The following FBRSL1 variants were observed in gnomAD, a reference collection of about 807,000 sequenced individuals.
FBRSL1 encodes the protein fibrosin-1-like protein.
In FBRSL1, 51 loss-of-function variants were observed where a neutral mutation model predicts 89.6. The ratio of observed to expected loss-of-function variants is 0.57; its 90% CI spans 0.45 to 0.72. The LOEUF (loss-of-function observed/expected upper bound fraction) is 0.72. FBRSL1 is among the 30% of genes least tolerant of loss of function. The pLI is 0.00. For synonymous variants in FBRSL1, 779 were observed against 681.1 expected (o/e 1.14, Z -2.24); for missense variants, 1,618 against 1,451.8 (o/e 1.11, Z -1.86).
Position 132,583,443 on chromosome 12 carries a change from G to A in FBRSL1, c.2674G>A (p.Gly892Ser), listed in dbSNP as rs1394960855. 3 of 1,069,136 alleles carry A rather than the reference G, an allele frequency of 2.8e-6. No individual in the cohort carries two copies. The highest frequency in any genetic ancestry group is 2.9e-5 in the South Asian group (1 of 34,952). 66.2% of individuals were successfully genotyped at this position (1,069,136 alleles called of 1,614,324 possible). ...ERPYRDREPH[G>S]YSPERLRGEL... ...CCCCTACCGCGACCGCGAGCCCCAC[G>A]GCTACAGCCCCGAGCGCCTGCGCGG... The change falls in exon 19 of 19, where the codon GGC becomes AGC. Residue 892 changes from glycine (G) to serine (S), a missense_variant. Transcript: ENST00000680143.
At chr12:132,581,271 G>C in intron 15 of FBRSL1, 168 bp from the exon 16 acceptor site, 1 of 985,378 alleles carries the variant, frequency 1.0e-6, no homozygotes, top group Non-Finnish European at 1.2e-6. Context: ...TTGTGGGGTA[G>C]ATTCCACCTC....
Position 132,583,656 on chromosome 12 carries a change from G to A in FBRSL1, c.2887G>A (p.Ala963Thr). The change falls in exon 19 of 19, where the codon GCC becomes ACC. Residue 963 changes from alanine (A) to threonine (T), a missense_variant. Physicochemically the swap from Ala to Thr is moderately conservative, Grantham distance 58 (BLOSUM62 0). Transcript: ENST00000680143. Reference sequence around the variant, plus strand: ...CGCACCGCCCCCCCTGGTGACGGCGGCCGGGCCCCCCACGCCCCCCGGGCC... The same window carrying A: ...CGCACCGCCCCCCCTGGTGACGGCGACCGGGCCCCCCACGCCCCCCGGGCC... ...LGAPPPLVTA[A>T]GPPTPPGPPR... The A allele has an allele frequency of 9.5e-7, 1 of 1,051,618 alleles. No homozygotes were observed. The highest frequency in any genetic ancestry group is 1.1e-6 in the Non-Finnish European group (1 of 871,920). The allele number at this position is 1,051,618 out of a possible 1,614,324, so 65.1% of individuals were successfully genotyped here.
In FBRSL1 at chr12:132,516,000, G is replaced by T. The variant is rs543693644; in HGVS notation, c.489+7650G>T. 2.6e-5 allele frequency among the ~76,000 whole-genome samples: 4 copies of T among 151,152 alleles called. No homozygotes were observed. The East Asian group carries it at 7.8e-4, about 29-fold the overall frequency. On this transcript the variant is annotated intron_variant, in intron 2 of 18. Coordinates refer to ENST00000680143, the MANE Select transcript of FBRSL1 (RefSeq NM_001367871.1). Reference sequence around the variant, plus strand: ...TTCAAAGTTGAGAAATCCCTAGCTAGATCAATCAGAAAAAGAAAACACAAA... The same window carrying T: ...TTCAAAGTTGAGAAATCCCTAGCTATATCAATCAGAAAAAGAAAACACAAA...
chr12:132,535,253 G>A (rs886998634), intron 4 of FBRSL1, among the ~76,000 whole-genome samples: 2 of 152,250 alleles, frequency 1.3e-5, no homozygotes, highest in African/African-American at 2.4e-5. Flanking sequence ...TCCAAGAAAG[G>A]TCAGCCACGT....
chr12:132,496,195 G>T (rs185818749), intron 1 of FBRSL1, among the ~76,000 whole-genome samples: 1 of 152,386 alleles, frequency 6.6e-6, no homozygotes, highest in East Asian at 1.9e-4. Flanking sequence ...CAGTCCTGCA[G>T]CAGGGAGTCA....
chr12:132,578,343 T>TCACACACACACACACACACATACACACA (rs1555290111), intron 15 of FBRSL1, among the ~76,000 whole-genome samples: 31 of 141,008 alleles, frequency 2.2e-4, no homozygotes, highest in Admixed American at 1.0e-3. Context: ...AGACCCTGTC[T>TCACACACACACACACACACATACACACA]CACACACACA....
chr12:132,507,338 G>T, intron 1 of FBRSL1: 1 of 985,472 alleles, frequency 1.0e-6, no homozygotes, highest in Non-Finnish European at 1.2e-6. Context: ...TTGACGCGCC[G>T]TATCTGTCTG....
rs543669731 is a variant in FBRSL1 at position 132,497,622 on chromosome 12, A to G, written c.291+6761A>G. Among the ~76,000 whole-genome samples, 9 of 151,984 alleles carry G rather than the reference A, an allele frequency of 5.9e-5. No individual in the cohort carries two copies. The East Asian group carries it at 1.6e-3, about 26-fold the overall frequency. ...GGCCTGACCACCCTTCAGTGCCCCC[A>G]GGCCTCCTGCCCCTGTCCAGATGAG... On this transcript the variant is annotated intron_variant, in intron 1 of 18. Coordinates refer to ENST00000680143, the MANE Select transcript of FBRSL1 (RefSeq NM_001367871.1).
At position 132,582,415 on chromosome 12, in the gene FBRSL1, G is replaced by A. The variant is rs1240956226; in HGVS notation, c.2201+149G>A. 1.4e-5 allele frequency: 7 copies of A among 505,874 alleles called. No homozygotes were observed. The Middle Eastern group carries it at 1.5e-3, about 108-fold the overall frequency. 31.3% of individuals were successfully genotyped at this position (505,874 alleles called of 1,614,324 possible). On this transcript the variant is annotated intron_variant, in intron 18 of 18. Transcript: ENST00000680143. ...CCCCCTCCCCCTGTTCCCCTTCCCC[G>A]TTCCCCCTCCCCCATTCCCTCTCAC...
At chr12:132,513,688 A>G (rs2034573190) in intron 2 of FBRSL1, among the ~76,000 whole-genome samples, 1 of 152,162 alleles carries the variant, frequency 6.6e-6, no homozygotes, top group Non-Finnish European at 1.5e-5. Context: ...AGCCCACGGC[A>G]GACGAGGGCA....
In FBRSL1 at chr12:132,581,430, C is replaced by A. The variant is rs1364347814; in HGVS notation, c.1835-9C>A. On this transcript the variant is annotated splice_polypyrimidine_tract_variant and intron_variant, in intron 15 of 18. Coordinates refer to ENST00000680143, the MANE Select transcript of FBRSL1 (RefSeq NM_001367871.1). ...CCTGGCTTCTGTCAAACCTGGCTGCCCCCCCCAGGTGCCGCCCATCCTGCC... is the reference window on the plus strand; with the variant it reads ...CCTGGCTTCTGTCAAACCTGGCTGCACCCCCCAGGTGCCGCCCATCCTGCC... 1 of 1,550,868 alleles carries A rather than the reference C, an allele frequency of 6.4e-7. No homozygotes were observed. The highest frequency in any genetic ancestry group is 8.7e-7 in the Non-Finnish European group (1 of 1,146,884).
chr12:132,569,787 T>G, intron 6 of FBRSL1, 139 bp from the exon 7 acceptor site: 1 of 591,430 alleles, frequency 1.7e-6, no homozygotes. Flanking sequence ...CCTCCGTGCC[T>G]GCCTCCTCAT....
At chr12:132,514,805 A>G (rs1269050857) in intron 2 of FBRSL1, among the ~76,000 whole-genome samples, 1 of 152,354 alleles carries the variant, frequency 6.6e-6, no homozygotes, top group African/African-American at 2.4e-5. Flanking sequence ...TGTGAGCCAC[A>G]TATAGAGTTA....
chr12:132,542,354 C>G (rs780525740), intron 4 of FBRSL1, among the ~76,000 whole-genome samples: 1 of 152,256 alleles, frequency 6.6e-6, no homozygotes, highest in East Asian at 1.9e-4. Context: ...GCCTCTCACC[C>G]GACACTCAGG....
At chr12:132,543,488 G>A (rs1385053907) in intron 4 of FBRSL1, among the ~76,000 whole-genome samples, 1 of 152,210 alleles carries the variant, frequency 6.6e-6, no homozygotes, top group Non-Finnish European at 1.5e-5. Flanking sequence ...GAACCCACAG[G>A]GAGCTGTCAG....
At chr12:132,575,646 T>C (rs1003794343) in intron 14 of FBRSL1, among the ~76,000 whole-genome samples, 2 of 152,264 alleles carry the variant, frequency 1.3e-5, no homozygotes, top group East Asian at 1.9e-4. Flanking sequence ...TCATCACTCC[T>C]GGTTTTGTCC....
intron 2 of FBRSL1, among the ~76,000 whole-genome samples, chr12:132,520,915 G>A (rs1279721697): frequency 2.6e-5 from 4 of 152,228 alleles, no homozygotes; most frequent in Non-Finnish European, 4.4e-5. Context: ...AAAACAGGCA[G>A]GAAACCAGGA....
intron 5 of FBRSL1, chr12:132,565,969 G>A (rs1225181016): frequency 2.0e-5 from 3 of 152,194 alleles, no homozygotes; most frequent in African/African-American, 4.8e-5. Context: ...GTTCTGTAAT[G>A]GATCGTGGTG....
At chr12:132,520,711 C>T (rs2035278431) in intron 2 of FBRSL1, among the ~76,000 whole-genome samples, 1 of 152,154 alleles carries the variant, frequency 6.6e-6, no homozygotes, top group Non-Finnish European at 1.5e-5. Context: ...ACAGAGGGGC[C>T]CCAGAGTCGG....
Sources: gnomAD v4.1 joint callset for allele counts (sites outside exome capture counted in the v4.1 genomes callset) on GRCh38, gnomAD v4.1.1 for gene constraint, MANE v1.5 for transcripts, NCBI Gene and HGNC (gene_info 2026-07-23, HGNC 2026-07-21) for gene names.